Variants in MALL observed in about 807,000 individuals in gnomAD.
MALL encodes the protein mal, T cell differentiation protein like, also known as MAL-like protein.
MALL carries 2 observed loss-of-function variants against 10.3 expected under a neutral mutation model. The ratio of observed to expected loss-of-function variants is 0.19; its 90% CI spans 0.08 to 0.61. The LOEUF (loss-of-function observed/expected upper bound fraction) is 0.61. MALL is among the 20% of genes least tolerant of loss of function. MALL has a pLI of 0.88. For missense variants in MALL, 39 were observed against 115.2 expected (o/e 0.34, Z 3.03); for synonymous variants, 27 against 51.8 (o/e 0.52, Z 2.05).
At chr2:110,115,656 C>G in intron 1 of MALL, 32 bp downstream of exon 1, 1 of 1,195,916 alleles carries the variant, frequency 8.4e-7, no homozygotes, top group Non-Finnish European at 1.1e-6. Context: ...TCCCTCTCTG[C>G]AGGTGGCCCG....
chr2:110,095,680 C>T (rs13388539), intron 1 of MALL, among the ~76,000 whole-genome samples: 3,035 of 150,422 alleles, frequency 0.02, 119 homozygotes, highest in East Asian at 0.094. Flanking sequence ...AATCTAATCG[C>T]GTCATCATTT....
chr2:110,100,473 CCA>C (rs1491035762), intron 1 of MALL, among the ~76,000 whole-genome samples: 7 of 48,058 alleles, frequency 1.5e-4, no homozygotes, highest in South Asian at 3.9e-3. Flanking sequence ...ACTCTGTCCC[CCA>C]CCCTAAAAAA....
chr2:110,116,608 C>T (rs1678928077), upstream of MALL: 2 of 152,460 alleles, frequency 1.3e-5, no homozygotes, highest in Non-Finnish European at 2.9e-5. Flanking sequence ...CCAGCCAGTG[C>T]CTTGCCCCTA....
intron 1 of MALL, among the ~76,000 whole-genome samples, chr2:110,092,595 GT>G (rs570276109): frequency 0.061 from 4,094 of 66,610 alleles, 5 homozygotes; most frequent in African/African-American, 0.1. Flanking sequence ...TATTGACTAT[GT>G]TTTTTATCAA....
At chr2:110,103,333 G>T (rs1678617040) in intron 1 of MALL, among the ~76,000 whole-genome samples, 1 of 152,106 alleles carries the variant, frequency 6.6e-6, no homozygotes, top group African/African-American at 2.4e-5. Context: ...GGGACAGGCT[G>T]GTCTCTTCAG....
At chr2:110,105,745 G>C (rs149967107) in intron 1 of MALL, among the ~76,000 whole-genome samples, 1 of 152,298 alleles carries the variant, frequency 6.6e-6, no homozygotes, top group Non-Finnish European at 1.5e-5. Context: ...GAAGGAAGGG[G>C]AAGATGCCTG....
intron 1 of MALL, among the ~76,000 whole-genome samples, chr2:110,099,174 G>T (rs1352738803): frequency 6.6e-6 from 1 of 152,048 alleles, no homozygotes; most frequent in African/African-American, 2.4e-5. Flanking sequence ...GTGGGAGTTT[G>T]GTTCTGAACA....
At chr2:110,101,374 G>A (rs188399244) in intron 1 of MALL, among the ~76,000 whole-genome samples, 1 of 151,972 alleles carries the variant, frequency 6.6e-6, no homozygotes, top group Admixed American at 6.5e-5. Context: ...CATGGAGGGA[G>A]AATTTTCTTT....
intron 1 of MALL, among the ~76,000 whole-genome samples, chr2:110,114,486 T>C (rs1338006935): frequency 6.6e-6 from 1 of 151,802 alleles, no homozygotes; most frequent in Non-Finnish European, 1.5e-5. Flanking sequence ...GCCTGGCACG[T>C]AGGACTCATC....
intron 1 of MALL, among the ~76,000 whole-genome samples, chr2:110,110,879 T>C (rs1398449359): frequency 6.6e-6 from 1 of 152,110 alleles, no homozygotes; most frequent in Non-Finnish European, 1.5e-5. Context: ...CATGATCAAG[T>C]GAGTTTCATA....
At chr2:110,107,550 G>C (rs1312053576) in intron 1 of MALL, among the ~76,000 whole-genome samples, 1 of 152,124 alleles carries the variant, frequency 6.6e-6, no homozygotes, top group Non-Finnish European at 1.5e-5. Flanking sequence ...CACCCAAGGA[G>C]AGTCTGAGCT....
At chr2:110,100,619 G>A (rs547571579) in intron 1 of MALL, among the ~76,000 whole-genome samples, 1 of 152,274 alleles carries the variant, frequency 6.6e-6, no homozygotes, top group Non-Finnish European at 1.5e-5. Flanking sequence ...GGTTGCGATG[G>A]AAATCTCTCC....
At chr2:110,105,000 G>C (rs925231439) in intron 1 of MALL, among the ~76,000 whole-genome samples, 2 of 152,200 alleles carry the variant, frequency 1.3e-5, no homozygotes. Flanking sequence ...GCATTATGGA[G>C]CACTCACTCA....
In MALL at chr2:110,115,794, C is replaced by A; in HGVS notation, c.-2G>T. 1 of 1,251,808 alleles carries A rather than the reference C, an allele frequency of 8.0e-7. No homozygotes were observed. The highest frequency in any genetic ancestry group is 3.1e-5 in the East Asian group (1 of 32,462). The allele number at this position is 1,251,808 out of a possible 1,614,324, so 77.5% of individuals were successfully genotyped here. A position where few individuals can be genotyped will look rare whatever the true frequency, so the allele number is the denominator to read the frequency against. ...GGCGGGCGGGTCGGGCGAGGCCATG[C>A]TGTCAGCCCCTGCCGGGTGCTCCGC... On this transcript the variant is annotated 5_prime_UTR_variant, in exon 1 of 4. Transcript: ENST00000272462.
At chr2:110,110,765 A>G (rs1264960993) in intron 1 of MALL, among the ~76,000 whole-genome samples, 1 of 152,092 alleles carries the variant, frequency 6.6e-6, no homozygotes, top group Non-Finnish European at 1.5e-5. Context: ...GACGTAACCA[A>G]AAAAGAAAAC....
At chr2:110,114,760 C>G (rs1184587212) in intron 1 of MALL, among the ~76,000 whole-genome samples, 3 of 151,586 alleles carry the variant, frequency 2.0e-5, no homozygotes, top group South Asian at 2.1e-4. Flanking sequence ...ATCTTTTCCC[C>G]CCTGCTCAGG....
intron 1 of MALL, among the ~76,000 whole-genome samples, chr2:110,101,548 G>A (rs1226270870): frequency 6.6e-5 from 10 of 152,074 alleles, no homozygotes; most frequent in South Asian, 2.1e-4. Flanking sequence ...CAAGTCAGGC[G>A]TCCTTGGTAC....
chr2:110,103,519 C>T (rs986030436), intron 1 of MALL, among the ~76,000 whole-genome samples: 1 of 152,160 alleles, frequency 6.6e-6, no homozygotes, highest in African/African-American at 2.4e-5. Context: ...CTGACTCCCA[C>T]AGATCTGCCC....
chr2:110,115,574 CCCTCTCTCTT>C (rs781401951), intron 1 of MALL, 104 bp downstream of exon 1: 1 of 465,188 alleles, frequency 2.1e-6, no homozygotes, highest in African/African-American at 3.1e-5. Flanking sequence ...TGCTTGCTGC[CCCTCTCTCTT>C]CTCGGTCCGG....
Sources: allele counts gnomAD v4.1 joint callset (sites outside exome capture counted in the v4.1 genomes callset), GRCh38; gene constraint gnomAD v4.1.1; transcripts MANE v1.5; gene names NCBI Gene and HGNC (gene_info 2026-07-23, HGNC 2026-07-21).